P2RY8: variants seen among roughly 807,000 people sequenced by gnomAD.
P2RY8 encodes P2Y receptor family member 8, also known as S-geranylgeranyl-glutathione receptor P2RY8.
In P2RY8, 6 loss-of-function variants were observed where a neutral mutation model predicts 10.0. The observed-to-expected ratio is 0.60, with a 90% CI of 0.33 to 1.19. P2RY8 has a LOEUF of 1.19. Among genes scored for constraint, P2RY8 ranks in the 50% most tolerant of loss-of-function variants. The pLI is 0.04. For synonymous variants in P2RY8, 276 were observed against 252.5 expected (o/e 1.09, Z -0.88); for missense variants, 456 against 542.0 (o/e 0.84, Z 1.58).
chrX:1,506,690 T>TTC (rs2092236613), intron 1 of P2RY8, among the ~76,000 whole-genome samples: 1 of 151,740 alleles, frequency 6.6e-6, no homozygotes, highest in African/African-American at 2.4e-5. Context: ...TTCTTTTTTT[T>TTC]TTTTTGAGAT....
At chrX:1,529,196 T>C (rs868379116) in intron 1 of P2RY8, among the ~76,000 whole-genome samples, 12 of 152,168 alleles carry the variant, frequency 7.9e-5, no homozygotes, top group Non-Finnish European at 1.3e-4. Flanking sequence ...AATCTACACA[T>C]GTGTGGCTTG....
At chrX:1,505,137 CAAAA>C (rs1175803425) in intron 1 of P2RY8, among the ~76,000 whole-genome samples, 53 of 99,716 alleles carry the variant, frequency 5.3e-4, no homozygotes, top group African/African-American at 2.1e-3. Flanking sequence ...GACTCTGTCT[CAAAA>C]AAAAAAAAAA....
At chrX:1,528,274 C>T (rs2092451585) in intron 1 of P2RY8, among the ~76,000 whole-genome samples, 1 of 152,208 alleles carries the variant, frequency 6.6e-6, no homozygotes, top group Non-Finnish European at 1.5e-5. Flanking sequence ...TATTGCATCT[C>T]ACAGAGAGGC....
At chrX:1,510,505 C>T (rs770909383) in intron 1 of P2RY8, among the ~76,000 whole-genome samples, 1 of 152,286 alleles carries the variant, frequency 6.6e-6, no homozygotes, top group East Asian at 1.9e-4. Context: ...GCCACTTTCT[C>T]CTGGTAAGAG....
intron 1 of P2RY8, among the ~76,000 whole-genome samples, chrX:1,507,609 G>A (rs750090245): frequency 3.3e-5 from 5 of 152,184 alleles, no homozygotes; most frequent in African/African-American, 7.2e-5. Flanking sequence ...GGGCCGTGAC[G>A]GCACCCGGTC....
intron 1 of P2RY8, among the ~76,000 whole-genome samples, chrX:1,476,495 G>A (rs2091875390): frequency 6.6e-6 from 1 of 151,844 alleles, no homozygotes; most frequent in Non-Finnish European, 1.5e-5. Context: ...GCTGAGGCAG[G>A]AGAATGGCAT....
chrX:1,506,197 T>C (rs1196805194), intron 1 of P2RY8, among the ~76,000 whole-genome samples: 3 of 152,024 alleles, frequency 2.0e-5, no homozygotes, highest in Non-Finnish European at 2.9e-5. Flanking sequence ...TTTGCCATGT[T>C]GGCCAGGCTG....
chrX:1,495,795 C>T (rs113165273), intron 1 of P2RY8, among the ~76,000 whole-genome samples: 30,779 of 120,928 alleles, frequency 0.25, 6,990 homozygotes, highest in East Asian at 0.63. Flanking sequence ...CCTCCACCCT[C>T]CAGGACTGTG....
rs1482186162 is a variant in P2RY8, at chrX:1,464,621, C to A, written c.*858G>T. ...ACGGAGCCTCCTTTCCGCACCTGGGCCTCCCGTGGTCCTTGTCCTGAGTCA... is the reference window on the plus strand; with the variant it reads ...ACGGAGCCTCCTTTCCGCACCTGGGACTCCCGTGGTCCTTGTCCTGAGTCA... On this transcript the variant is annotated 3_prime_UTR_variant, in exon 2 of 2. Coordinates refer to ENST00000381297, the MANE Select transcript of P2RY8 (RefSeq NM_178129.5). 12 of 233,320 alleles carry A rather than the reference C, an allele frequency of 5.1e-5. No homozygotes were observed. Among genetic ancestry groups the A allele is most frequent in the Non-Finnish European group, 1.0e-4 (12 of 118,200 alleles). 14.5% of individuals were successfully genotyped at this position (233,320 alleles called of 1,614,324 possible). A position where few individuals can be genotyped will look rare whatever the true frequency, so the allele number is the denominator to read the frequency against.
intron 1 of P2RY8, among the ~76,000 whole-genome samples, chrX:1,504,240 C>T (rs1418510059): frequency 1.3e-5 from 2 of 151,182 alleles, no homozygotes; most frequent in African/African-American, 2.4e-5. Context: ...CGCTGGAACC[C>T]GGGAGGCGGA....
At chrX:1,476,182 C>T (rs1235348846) in intron 1 of P2RY8, among the ~76,000 whole-genome samples, 1 of 152,146 alleles carries the variant, frequency 6.6e-6, no homozygotes, top group Non-Finnish European at 1.5e-5. Context: ...TTTGGGACAC[C>T]TCCTATGACC....
Position 1,536,563 on chromosome X carries a change from AT to A in P2RY8, c.-25+357del, listed in dbSNP as rs1321104859. 4.6e-5 allele frequency among the ~76,000 whole-genome samples: 7 copies of A among 151,488 alleles called. No homozygotes were observed. The East Asian group carries it at 1.4e-3, about 29-fold the overall frequency. ...AGGCACCTGCCACCACGCCTGGCTA[AT>A]TTTTGTATTTTTAGTAGAGACGGGG... On this transcript the variant is annotated intron_variant, in intron 1 of 1. Transcript: ENST00000381297.
rs1243853952 is a variant in P2RY8, at chrX:1,464,373, A to C, written c.*1106T>G. 1 of 233,576 alleles carries C rather than the reference A, an allele frequency of 4.3e-6. No individual in the cohort carries two copies. Among genetic ancestry groups the C allele is most frequent in the Non-Finnish European group, 8.4e-6 (1 of 118,386 alleles). The allele number at this position is 233,576 out of a possible 1,614,324, so 14.5% of individuals were successfully genotyped here. ...CACCCACACAGCAGGGAGGGGGCTC[A>C]GCGGCTGACACCCCTGTAGGTTCCT... is the stretch of plus-strand genomic sequence containing the variant. On this transcript the variant is annotated 3_prime_UTR_variant, in exon 2 of 2. Transcript: ENST00000381297.
intron 1 of P2RY8, among the ~76,000 whole-genome samples, chrX:1,530,418 T>A (rs767405399): frequency 1.3e-5 from 2 of 151,876 alleles, no homozygotes; most frequent in South Asian, 4.2e-4. Flanking sequence ...AATGCACCTA[T>A]GTATGTATCT....
At chrX:1,502,056 G>A (rs1472448871) in intron 1 of P2RY8, among the ~76,000 whole-genome samples, 11 of 152,010 alleles carry the variant, frequency 7.2e-5, no homozygotes, top group East Asian at 1.9e-4. Context: ...AACTACAGGC[G>A]TGTGCCACCA....
chrX:1,500,591 C>G (rs2149397481), intron 1 of P2RY8, among the ~76,000 whole-genome samples: 1 of 150,884 alleles, frequency 6.6e-6, no homozygotes, highest in Admixed American at 6.7e-5. Context: ...ATTCCAGGTA[C>G]ACGCCACCAC....
chrX:1,536,687 T>C (rs2092529617), intron 1 of P2RY8, among the ~76,000 whole-genome samples: 1 of 152,108 alleles, frequency 6.6e-6, no homozygotes, highest in African/African-American at 2.4e-5. Flanking sequence ...AAAGGAAGGG[T>C]GGCTTGCAGC....
chrX:1,462,874 A>G lies in P2RY8; in HGVS notation c.*2605T>C, dbSNP rs149205177. Reference sequence around the variant, plus strand: ...GTGTTATCTTTTCACTCAAAGCTCAACCAGTGAACAGACTGAGTCAGCTTC... The same window carrying G: ...GTGTTATCTTTTCACTCAAAGCTCAGCCAGTGAACAGACTGAGTCAGCTTC... On this transcript the variant is annotated 3_prime_UTR_variant, in exon 2 of 2. Coordinates refer to ENST00000381297, the MANE Select transcript of P2RY8 (RefSeq NM_178129.5). The G allele has an allele frequency of 0.034, 7,894 of 232,976 alleles. 152 individuals carry two copies. The highest frequency in any genetic ancestry group is 0.042 in the Non-Finnish European group (4,949 of 117,926). 14.4% of individuals were successfully genotyped at this position (232,976 alleles called of 1,614,324 possible).
chrX:1,478,570 C>T (rs1358346053), intron 1 of P2RY8, among the ~76,000 whole-genome samples: 1 of 151,992 alleles, frequency 6.6e-6, no homozygotes, highest in African/African-American at 2.4e-5. Flanking sequence ...CCTCCGCCTC[C>T]CGGGTTCAAG....
Sources: gnomAD v4.1 joint callset for allele counts (sites outside exome capture counted in the v4.1 genomes callset) on GRCh38, gnomAD v4.1.1 for gene constraint, MANE v1.5 for transcripts, NCBI Gene and HGNC (gene_info 2026-07-23, HGNC 2026-07-21) for gene names.